Variants in PISD observed in about 807,000 individuals in gnomAD.
PISD encodes the protein phosphatidylserine decarboxylase proenzyme, mitochondrial.
PISD carries 31 observed loss-of-function variants against 43.5 expected under a neutral mutation model. That is an observed-to-expected ratio of 0.71 (90% CI 0.54 to 0.96). The LOEUF is 0.96. PISD is among the 40% of genes least tolerant of loss of function. PISD has a pLI of 0.00. For missense variants in PISD, 523 were observed against 548.4 expected (o/e 0.95, Z 0.46); for synonymous variants, 259 against 228.7 (o/e 1.13, Z -1.20).
intron 3 of PISD, among the ~76,000 whole-genome samples, chr22:31,638,138 T>A (rs768854318): frequency 1.3e-4 from 20 of 152,226 alleles, no homozygotes; most frequent in Non-Finnish European, 2.5e-4. Flanking sequence ...TGCCCTTGGC[T>A]GTGGGGCTGC....
chr22:31,642,825 G>A (rs1472882614), intron 3 of PISD, among the ~76,000 whole-genome samples: 3 of 140,954 alleles, frequency 2.1e-5, no homozygotes, highest in African/African-American at 3.0e-5. Flanking sequence ...AAAAAAAGCC[G>A]GGCGTGGTGG....
intron 2 of PISD, among the ~76,000 whole-genome samples, chr22:31,648,744 C>T (rs994429930): frequency 3.3e-5 from 5 of 151,984 alleles, no homozygotes; most frequent in African/African-American, 2.4e-5. Flanking sequence ...CAACCTTGGG[C>T]CACTACTCAG....
chr22:31,645,276 C>T (rs1034419954), intron 3 of PISD, among the ~76,000 whole-genome samples: 11 of 152,080 alleles, frequency 7.2e-5, no homozygotes, highest in Admixed American at 2.0e-4. Flanking sequence ...GGATGGTACA[C>T]GCTTATATTC....
At chr22:31,637,459 C>G (rs370522776) in intron 3 of PISD, among the ~76,000 whole-genome samples, 1 of 151,810 alleles carries the variant, frequency 6.6e-6, no homozygotes, top group East Asian at 1.9e-4. Flanking sequence ...AAACTGGCAA[C>G]AGTCATCTAA....
Position 31,630,967 on chromosome 22 carries a change from G to A in PISD, c.322-9082C>T, listed in dbSNP as rs1056282215. 9.3e-6 allele frequency: 6 copies of A among 648,220 alleles called. No homozygotes were observed. Among genetic ancestry groups the A allele is most frequent in the Non-Finnish European group, 1.2e-5 (6 of 521,646 alleles). 40.2% of individuals were successfully genotyped at this position (648,220 alleles called of 1,614,324 possible). The stretch of plus-strand genomic sequence containing the variant: ...CCCTTAAAGCTGCCGCCCCCTCTGA[G>A]CCCCAGTCCTGCTGGGCCGTCCGCC... On this transcript the variant is annotated intron_variant, in intron 3 of 7. Coordinates refer to ENST00000439502, the MANE Select transcript of PISD (RefSeq NM_001326411.2). This position sits in a 1 kb window ranked among gnomAD's most constrained non-coding sequence, Gnocchi z 4.4.
intron 3 of PISD, among the ~76,000 whole-genome samples, chr22:31,640,200 T>C (rs1259039128): frequency 1.4e-5 from 1 of 70,506 alleles, no homozygotes; most frequent in Non-Finnish European, 2.5e-5. Context: ...TTCAAGCTAC[T>C]TTTTTTTTTT....
intron 2 of PISD, among the ~76,000 whole-genome samples, chr22:31,649,486 G>A (rs2073977454): frequency 6.6e-6 from 1 of 151,948 alleles, no homozygotes; most frequent in Non-Finnish European, 1.5e-5. Flanking sequence ...GTAATCCCAG[G>A]ACTTTGGGAG....
intron 3 of PISD, among the ~76,000 whole-genome samples, chr22:31,637,190 TATATATATATATATATAG>T: frequency 1.2e-5 from 1 of 80,634 alleles, no homozygotes. Context: ...TATATATATA[TATATATATATATATATAG>T]AAAAATTAGC....
chr22:31,620,536 G>C lies in PISD; in HGVS notation c.1005+17C>G. On this transcript the variant is annotated intron_variant, in intron 7 of 7. Transcript: ENST00000439502. ...GGTCTGGCCCTTGGGCTTTGGCAGG[G>C]CCTAGATCCTGCTTACCCGGTCAAA... is the stretch of plus-strand genomic sequence containing the variant. The C allele has an allele frequency of 6.2e-7, 1 of 1,613,724 alleles. No individual in the cohort carries two copies. Among genetic ancestry groups the C allele is most frequent in the Non-Finnish European group, 8.5e-7 (1 of 1,179,642 alleles).
At chr22:31,628,643 C>T (rs1167662936) in intron 3 of PISD, among the ~76,000 whole-genome samples, 1 of 152,234 alleles carries the variant, frequency 6.6e-6, no homozygotes, top group Non-Finnish European at 1.5e-5. Context: ...TCCTCTACCT[C>T]TGCCCTGAGA....
At chr22:31,646,496 T>C (rs572505975) in intron 3 of PISD, among the ~76,000 whole-genome samples, 1 of 152,336 alleles carries the variant, frequency 6.6e-6, no homozygotes, top group African/African-American at 2.4e-5. Flanking sequence ...ACTAAAAAAC[T>C]ACTGGCGTTG....
chr22:31,625,560 C>T lies in PISD; in HGVS notation c.322-3675G>A, dbSNP rs1312029474. The T allele has an allele frequency of 1.1e-5, 7 of 638,240 alleles. No homozygotes were observed. In the Admixed American group the frequency reaches 1.1e-4, roughly 10 times the overall value. The allele number at this position is 638,240 out of a possible 1,614,324, so 39.5% of individuals were successfully genotyped here. On this transcript the variant is annotated intron_variant, in intron 3 of 7. Coordinates refer to ENST00000439502, the MANE Select transcript of PISD (RefSeq NM_001326411.2). ...CAGCCTCCCCCTGCTGGGCCCTCCT[C>T]ATGGTTGGAACCAAAGATACCTGAA... is the stretch of plus-strand genomic sequence containing the variant.
At chr22:31,639,573 G>T (rs2073627405) in intron 3 of PISD, among the ~76,000 whole-genome samples, 1 of 152,140 alleles carries the variant, frequency 6.6e-6, no homozygotes, top group African/African-American at 2.4e-5. Context: ...AAAAATTTGA[G>T]ATATAATCTA....
chr22:31,637,478 T>C (rs1451302568), intron 3 of PISD, among the ~76,000 whole-genome samples: 1 of 151,974 alleles, frequency 6.6e-6, no homozygotes, highest in Non-Finnish European at 1.5e-5. Flanking sequence ...AACCCTGGTC[T>C]CACGCCACTC....
At chr22:31,656,649 A>AAAATAAATAAATAAAT (rs59608474) in intron 1 of PISD, among the ~76,000 whole-genome samples, 1,840 of 149,230 alleles carry the variant, frequency 0.012, 30 homozygotes, top group African/African-American at 0.034. Context: ...CTGCGTCTCA[A>AAAATAAATAAATAAAT]AAATAAATAA....
chr22:31,640,100 C>G (rs1238407357), intron 3 of PISD, among the ~76,000 whole-genome samples: 1 of 152,130 alleles, frequency 6.6e-6, no homozygotes, highest in Non-Finnish European at 1.5e-5. Flanking sequence ...AAGCTGCGCA[C>G]ACTCCACGCG....
At position 31,630,756 on chromosome 22, in the gene PISD, T is replaced by A. The variant is rs1167442123; in HGVS notation, c.322-8871A>T. On this transcript the variant is annotated intron_variant, in intron 3 of 7. Coordinates refer to ENST00000439502, the MANE Select transcript of PISD (RefSeq NM_001326411.2). This position sits in a 1 kb window ranked among gnomAD's most constrained non-coding sequence, Gnocchi z 4.4. ...CAGGGTGGGGCGCCTCCCTGAGAAG[T>A]CACCTGGGGCTCCCGGCAGGGCCGG... 2.0e-6 allele frequency: 2 copies of A among 985,382 alleles called. No homozygotes were observed. Among genetic ancestry groups the A allele is most frequent in the African/African-American group, 1.7e-5 (1 of 57,214 alleles). The allele number at this position is 985,382 out of a possible 1,614,324, so 61.0% of individuals were successfully genotyped here.
intron 1 of PISD, among the ~76,000 whole-genome samples, chr22:31,658,859 T>C (rs1455674426): frequency 1.4e-5 from 2 of 142,322 alleles, no homozygotes; most frequent in African/African-American, 5.9e-5. Flanking sequence ...CTTTTTCTTT[T>C]TTTTTTTTTT....
chr22:31,660,792 G>A (rs1015892513), intron 1 of PISD, among the ~76,000 whole-genome samples: 3 of 151,964 alleles, frequency 2.0e-5, no homozygotes, highest in Admixed American at 6.6e-5. Flanking sequence ...GGACTCCAGC[G>A]GCGCAGTCTT....
Sources: gnomAD v4.1 joint callset for allele counts (sites outside exome capture counted in the v4.1 genomes callset) on GRCh38, gnomAD v4.1.1 for gene constraint, Gnocchi (gnomAD v3.1) non-coding constraint, MANE v1.5 for transcripts, NCBI Gene and HGNC (gene_info 2026-07-23, HGNC 2026-07-21) for gene names.